The following DOCK7 variants were observed in gnomAD, a reference collection of about 807,000 sequenced individuals.
DOCK7 encodes the protein dedicator of cytokinesis 7.
A neutral mutation model predicts 271.0 loss-of-function variants in DOCK7; 138 were observed. That is an observed-to-expected ratio of 0.51 (90% CI 0.44 to 0.59). The LOEUF is 0.59. DOCK7 is among the 20% of genes least tolerant of loss of function. The pLI is 0.00. For synonymous variants in DOCK7, 823 were observed against 876.1 expected, an observed-to-expected ratio of 0.94 and a Z score of 1.07; for missense variants, 2,066 against 2,592.4, an observed-to-expected ratio of 0.80 and a Z score of 4.41.
intron 4 of DOCK7, 83 bp from the exon 5 acceptor site, chr1:62,648,627 C>T (rs1557857401): frequency 2.8e-6 from 2 of 725,200 alleles, no homozygotes; most frequent in Non-Finnish European, 4.0e-6. Context: ...ATGTAATAAG[C>T]CAAGTGTTTT....
intron 8 of DOCK7, among the ~76,000 whole-genome samples, 196 bp downstream of exon 8, chr1:62,636,341 G>C (rs1655270915): frequency 1.3e-5 from 2 of 152,046 alleles, no homozygotes; most frequent in South Asian, 4.1e-4. Flanking sequence ...CACTCTTTCA[G>C]TGAAACAATA....
At chr1:62,554,076 T>C (rs1319055501) in intron 21 of DOCK7, among the ~76,000 whole-genome samples, 1 of 152,220 alleles carries the variant, frequency 6.6e-6, no homozygotes, top group Non-Finnish European at 1.5e-5. Flanking sequence ...TGAGAGCATG[T>C]TTCATTTCTC....
chr1:62,508,046 C>G lies in DOCK7; in HGVS notation c.4392G>C (p.Glu1464Asp), dbSNP rs1318937409. The change falls in exon 35 of 50, where the codon GAG becomes GAC. Residue 1464 changes from glutamate (E) to aspartate (D), a missense_variant. Coordinates refer to ENST00000635253, the MANE Select transcript of DOCK7 (RefSeq NM_001367561.1). ...CATCAATCAGTGCTTCGTGTTCAATCTCTGCTCTTGATCTAATACAAAATA... is the reference window on the plus strand; with the variant it reads ...CATCAATCAGTGCTTCGTGTTCAATGTCTGCTCTTGATCTAATACAAAATA... ...NTEKLDKSRA[E>D]IEHEALIDGN... The G allele has an allele frequency of 1.2e-6, 2 of 1,609,002 alleles. No homozygotes were observed. Among genetic ancestry groups the G allele is most frequent in the Non-Finnish European group, 1.7e-6 (2 of 1,178,802 alleles).
At chr1:62,665,032 G>A (rs1388482950) in intron 1 of DOCK7, among the ~76,000 whole-genome samples, 1 of 152,178 alleles carries the variant, frequency 6.6e-6, no homozygotes, top group Non-Finnish European at 1.5e-5. Context: ...TGTTGCCCAT[G>A]CTGGAGTGCA....
intron 7 of DOCK7, among the ~76,000 whole-genome samples, chr1:62,642,948 T>C (rs1443643587): frequency 6.6e-6 from 1 of 152,230 alleles, no homozygotes; most frequent in Admixed American, 6.5e-5. Context: ...ATACCTTGAA[T>C]TCAGGCTACC....
chr1:62,564,506 G>A (rs893960446), intron 18 of DOCK7, among the ~76,000 whole-genome samples: 1 of 152,138 alleles, frequency 6.6e-6, no homozygotes, highest in Admixed American at 6.5e-5. Context: ...AAACCAATGA[G>A]AACAAAGACA....
chr1:62,495,505 T>C, intron 39 of DOCK7, 76 bp downstream of exon 39: 1 of 865,468 alleles, frequency 1.2e-6, no homozygotes, highest in Non-Finnish European at 1.6e-6. Flanking sequence ...TGTGTGTTTA[T>C]TTTTTTCATC....
chr1:62,503,494 G>A (rs1201523990), intron 37 of DOCK7, among the ~76,000 whole-genome samples: 1 of 151,338 alleles, frequency 6.6e-6, no homozygotes, highest in Non-Finnish European at 1.5e-5. Flanking sequence ...CTGGAGTACA[G>A]TGGTGTGTTC....
chr1:62,626,835 A>G (rs1370826405), intron 11 of DOCK7, among the ~76,000 whole-genome samples: 3 of 152,132 alleles, frequency 2.0e-5, no homozygotes, highest in Non-Finnish European at 4.4e-5. Context: ...AAGAATACCA[A>G]TCCTTCAAAA....
At chr1:62,668,997 G>A (rs1368977540) in intron 1 of DOCK7, among the ~76,000 whole-genome samples, 2 of 151,086 alleles carry the variant, frequency 1.3e-5, no homozygotes, top group African/African-American at 4.9e-5. Context: ...CAAATATGAA[G>A]TAAGATGGGG....
At chr1:62,593,051 A>T (rs1197632218) in intron 14 of DOCK7, among the ~76,000 whole-genome samples, 1 of 152,136 alleles carries the variant, frequency 6.6e-6, no homozygotes, top group East Asian at 1.9e-4. Flanking sequence ...GGACGTGGTA[A>T]CTCTATAGAC....
intron 14 of DOCK7, among the ~76,000 whole-genome samples, chr1:62,615,413 C>T (rs1188722512): frequency 6.6e-6 from 1 of 151,824 alleles, no homozygotes; most frequent in Non-Finnish European, 1.5e-5. Flanking sequence ...GGATCATTTC[C>T]ATAAACTAAG....
intron 1 of DOCK7, among the ~76,000 whole-genome samples, chr1:62,669,384 C>T (rs1659675159): frequency 1.3e-5 from 2 of 152,272 alleles, no homozygotes; most frequent in South Asian, 4.1e-4. Flanking sequence ...GAAAAGAGTA[C>T]AGTGAAGTAT....
chr1:62,472,853 A>G (rs937232268), intron 48 of DOCK7, among the ~76,000 whole-genome samples: 2 of 152,156 alleles, frequency 1.3e-5, no homozygotes, highest in Non-Finnish European at 2.9e-5. Flanking sequence ...GCTCCTGATA[A>G]AAACTTTTGG....
At chr1:62,597,937 T>A (rs777106117) in intron 14 of DOCK7, 2 of 1,549,976 alleles carry the variant, frequency 1.3e-6, no homozygotes, top group Non-Finnish European at 1.7e-6. Context: ...AACTCAAAAC[T>A]TGAAAGCCTC....
intron 41 of DOCK7, among the ~76,000 whole-genome samples, chr1:62,489,301 T>A (rs1646389293): frequency 6.6e-6 from 1 of 151,866 alleles, no homozygotes; most frequent in Admixed American, 6.6e-5. Flanking sequence ...TACAAAACAT[T>A]GGCCGGGCGT....
chr1:62,645,755 T>C (rs1303816787), intron 7 of DOCK7, among the ~76,000 whole-genome samples: 1 of 152,220 alleles, frequency 6.6e-6, no homozygotes, highest in East Asian at 1.9e-4. Flanking sequence ...GCTATTTTTC[T>C]TTTTAAAGTA....
At chr1:62,588,313 T>C (rs1244029884) in intron 14 of DOCK7, among the ~76,000 whole-genome samples, 1 of 152,162 alleles carries the variant, frequency 6.6e-6, no homozygotes, top group African/African-American at 2.4e-5. Context: ...TATAATGGGA[T>C]AAAAATGCCT....
intron 14 of DOCK7, among the ~76,000 whole-genome samples, chr1:62,612,686 T>C (rs541289807): frequency 2.8e-4 from 43 of 152,270 alleles, no homozygotes; most frequent in African/African-American, 7.9e-4. Flanking sequence ...TCAGAGAAAA[T>C]AGATTTACTA....
Sources: gnomAD v4.1 joint callset for allele counts (sites outside exome capture counted in the v4.1 genomes callset) on GRCh38, gnomAD v4.1.1 for gene constraint, MANE v1.5 for transcripts, NCBI Gene and HGNC (gene_info 2026-07-23, HGNC 2026-07-21) for gene names.